Variants in SPACA9 observed in about 807,000 individuals in gnomAD.
SPACA9 encodes sperm acrosome-associated protein 9.
Under a neutral mutation model 12.5 loss-of-function variants are expected in SPACA9, and 14 were observed. That is an observed-to-expected ratio of 1.12 (90% CI 0.74 to 1.75). SPACA9 has a LOEUF of 1.75. SPACA9 is among the 40% of genes most tolerant of loss of function. The probability of loss-of-function intolerance (pLI) is 0.00; values close to 1 mark genes in which losing one functional copy is unlikely to be tolerated. For synonymous variants in SPACA9, 111 were observed against 114.1 expected, an observed-to-expected ratio of 0.97 and a Z score of 0.17; for missense variants, 292 against 291.9, an observed-to-expected ratio of 1.00 and a Z score of 0.00.
At chr9:132,880,172 G>C (rs1844363455) in intron 1 of SPACA9, among the ~76,000 whole-genome samples, 1 of 152,138 alleles carries the variant, frequency 6.6e-6, no homozygotes, top group Non-Finnish European at 1.5e-5. Flanking sequence ...TTAAGCCCTA[G>C]GCGCTTTTCC....
At chr9:132,878,388 C>T (rs1313559841), upstream of SPACA9, 23 of 1,243,984 alleles carry the variant, frequency 1.8e-5, no homozygotes, top group East Asian at 3.5e-4. The surrounding 1 kb of genome is among the most constrained non-coding windows in gnomAD (Gnocchi z 4.7). Context: ...CTCGGTCGCG[C>T]GGGTCGCCCC....
rs1388965568 is a variant in SPACA9 at position 132,878,898 on chromosome 9, C to T, written c.-154C>T. ...TTCTCGCCCGACGTCCCCACCCACCCTCGCCTCCCAAGTCCTGGAACGGGC... is the reference window on the plus strand; with the variant it reads ...TTCTCGCCCGACGTCCCCACCCACCTTCGCCTCCCAAGTCCTGGAACGGGC... On this transcript the variant is annotated 5_prime_UTR_variant, in exon 1 of 4. Transcript: ENST00000356311. The surrounding 1 kb of genome is among the most constrained non-coding windows in gnomAD (Gnocchi z 4.7). The T allele has an allele frequency of 3.9e-6, 2 of 513,826 alleles. No individual in the cohort carries two copies. Among genetic ancestry groups the T allele is most frequent in the Non-Finnish European group, 5.0e-6 (2 of 398,768 alleles). The allele number at this position is 513,826 out of a possible 1,614,324, so 31.8% of individuals were successfully genotyped here.
At chr9:132,881,297 GA>G (rs201716244) in intron 1 of SPACA9, among the ~76,000 whole-genome samples, 27,027 of 120,452 alleles carry the variant, frequency 0.22, 2,781 homozygotes, top group East Asian at 0.47. Context: ...AAAAAAAGAA[GA>G]AAAAAAAAAA....
intron 2 of SPACA9, among the ~76,000 whole-genome samples, chr9:132,884,474 A>T (rs1413296509): frequency 6.6e-6 from 1 of 152,202 alleles, no homozygotes; most frequent in Middle Eastern, 3.2e-3. Context: ...TGTCCTTCCC[A>T]TCAGATTCCA....
intron 1 of SPACA9, among the ~76,000 whole-genome samples, chr9:132,882,462 C>CTTT (rs60513113): frequency 8.1e-6 from 1 of 123,524 alleles, no homozygotes; most frequent in Non-Finnish European, 1.7e-5. Flanking sequence ...TACCCTGCCT[C>CTTT]TTTTTTTTTT....
At chr9:132,884,930 A>G (rs1844523438) in intron 2 of SPACA9, among the ~76,000 whole-genome samples, 1 of 131,220 alleles carries the variant, frequency 7.6e-6, no homozygotes, top group Non-Finnish European at 1.7e-5. Flanking sequence ...CCTGACCAAC[A>G]TGGTGAAACC....
Position 132,888,234 on chromosome 9 carries a change from C to A in SPACA9, c.348-56C>A. 1 of 1,552,414 alleles carries A rather than the reference C, an allele frequency of 6.4e-7. No homozygotes were observed. The highest frequency in any genetic ancestry group is 1.2e-5 in the South Asian group (1 of 81,284). ...TGCCTGAGGTGTGGCAGCTGCTTGC[C>A]ACGGCATGGCAAGTCCCGGGAGCAT... is the stretch of plus-strand genomic sequence containing the variant. On this transcript the variant is annotated intron_variant, in intron 3 of 3. Coordinates refer to ENST00000356311, the MANE Select transcript of SPACA9 (RefSeq NM_001316897.2). This position sits in a 1 kb window ranked among gnomAD's most constrained non-coding sequence, Gnocchi z 5.0.
intron 2 of SPACA9, among the ~76,000 whole-genome samples, chr9:132,884,823 C>T (rs1407024594): frequency 1.3e-5 from 2 of 152,178 alleles, no homozygotes; most frequent in African/African-American, 4.8e-5. Flanking sequence ...CCTTTAAAAA[C>T]ATTTTTTTCT....
rs558654546 is a variant in SPACA9, at chr9:132,889,798, G to A, written c.*1187G>A. 7.6e-7 allele frequency: 1 copy of A among 1,318,686 alleles called. No homozygotes were observed. The highest frequency in any genetic ancestry group is 2.8e-5 in the East Asian group (1 of 35,242). The allele number at this position is 1,318,686 out of a possible 1,614,324, so 81.7% of individuals were successfully genotyped here. The stretch of plus-strand genomic sequence containing the variant: ...TTCCTTCGCCTTTACTTGGGAGAGG[G>A]AGACCATGACAGAAGCCAGAATTCT... On this transcript the variant is annotated 3_prime_UTR_variant, in exon 4 of 4. Coordinates refer to ENST00000356311, the MANE Select transcript of SPACA9 (RefSeq NM_001316897.2).
chr9:132,884,909 T>C (rs905860219), intron 2 of SPACA9, among the ~76,000 whole-genome samples: 5 of 117,734 alleles, frequency 4.2e-5, no homozygotes, highest in African/African-American at 1.5e-4. Context: ...AGGTCAGGAG[T>C]TTGAGACCAG....
chr9:132,884,769 G>A (rs1844518262), intron 2 of SPACA9, among the ~76,000 whole-genome samples: 1 of 152,242 alleles, frequency 6.6e-6, no homozygotes. Flanking sequence ...AACTGCAGAG[G>A]AGAAACAGGC....
At chr9:132,886,858 C>T (rs1233121048) in intron 2 of SPACA9, among the ~76,000 whole-genome samples, 1 of 152,128 alleles carries the variant, frequency 6.6e-6, no homozygotes, top group Non-Finnish European at 1.5e-5. Context: ...GTTACCCAGG[C>T]TGGAGTGCAG....
rs200687144 is a variant in SPACA9 at position 132,887,134 on chromosome 9, T to TGTCTATCCATCCATCC, written c.145-235_145-234insGTCTATCCATCCATCC. ...CAACCGATCCATTAATTTCATATCA[T>TGTCTATCCATCCATCC]ATCTATCCATCCATCCATCCATCCA... On this transcript the variant is annotated intron_variant, in intron 2 of 3. Coordinates refer to ENST00000356311, the MANE Select transcript of SPACA9 (RefSeq NM_001316897.2). The surrounding 1 kb of genome is among the most constrained non-coding windows in gnomAD (Gnocchi z 5.4). Among the ~76,000 whole-genome samples, 12 of 70,344 alleles carry TGTCTATCCATCCATCC rather than the reference T, an allele frequency of 1.7e-4. No homozygotes were observed. Among genetic ancestry groups the TGTCTATCCATCCATCC allele is most frequent in the African/African-American group, 4.1e-4 (11 of 26,860 alleles). 46.1% of individuals were successfully genotyped at this position (70,344 alleles called of 152,430 possible).
Position 132,887,362 on chromosome 9 carries a change from C to G in SPACA9, c.145-7C>G. The G allele has an allele frequency of 1.9e-6, 3 of 1,609,652 alleles. No homozygotes were observed. Among genetic ancestry groups the G allele is most frequent in the Non-Finnish European group, 2.5e-6 (3 of 1,179,788 alleles). On this transcript the variant is annotated splice_polypyrimidine_tract_variant and splice_region_variant and intron_variant, in intron 2 of 3. Transcript: ENST00000356311. This position sits in a 1 kb window ranked among gnomAD's most constrained non-coding sequence, Gnocchi z 5.4. ...GTCCCCAGCTCATGTGGCGGCGGCC[C>G]TTGCAGGTGCAGAGCTACATGGAAC...
rs1844662051 is a variant in SPACA9 at position 132,889,076 on chromosome 9, C to T, written c.*465C>T. 2.0e-6 allele frequency: 2 copies of T among 995,698 alleles called. No homozygotes were observed. The highest frequency in any genetic ancestry group is 2.4e-6 in the Non-Finnish European group (2 of 835,454). The allele number at this position is 995,698 out of a possible 1,614,324, so 61.7% of individuals were successfully genotyped here. On this transcript the variant is annotated 3_prime_UTR_variant, in exon 4 of 4. Coordinates refer to ENST00000356311, the MANE Select transcript of SPACA9 (RefSeq NM_001316897.2). ...TGAGCCACAGCGCCCGGCCCTCTTG[C>T]TTTAACTTCTAACATTTCCACTTCT...
At chr9:132,881,844 C>T (rs1430274352) in intron 1 of SPACA9, among the ~76,000 whole-genome samples, 2 of 152,164 alleles carry the variant, frequency 1.3e-5, no homozygotes, top group Middle Eastern at 3.4e-3. Context: ...ATCTTGATTG[C>T]CGAGTTTTTT....
Position 132,889,941 on chromosome 9 carries a change from GT to G in SPACA9, c.*1335del. The G allele has an allele frequency of 2.0e-6, 3 of 1,486,570 alleles. No individual in the cohort carries two copies. The highest frequency in any genetic ancestry group is 9.0e-7 in the Non-Finnish European group (1 of 1,110,042). 92.1% of individuals were successfully genotyped at this position (1,486,570 alleles called of 1,614,324 possible). ...TGCCCAAAGTAATGTCTGACTGTTG[GT>G]TTTTCCCTTCACAGGGGACGACTTA... is the stretch of plus-strand genomic sequence containing the variant. On this transcript the variant is annotated 3_prime_UTR_variant, in exon 4 of 4. Transcript: ENST00000356311.
intron 1 of SPACA9, among the ~76,000 whole-genome samples, chr9:132,883,075 C>A (rs900323465): frequency 4.6e-5 from 7 of 152,094 alleles, no homozygotes; most frequent in Non-Finnish European, 8.8e-5. Context: ...CACCCACAGA[C>A]TTTTCTGCTC....
chr9:132,878,404 C>T (rs1336857402), upstream of SPACA9: 9 of 1,240,040 alleles, frequency 7.3e-6, no homozygotes, highest in South Asian at 2.4e-4. The surrounding 1 kb of genome is among the most constrained non-coding windows in gnomAD (Gnocchi z 4.7). Context: ...GCCCCCGCCC[C>T]GACCTCCCCG....
Sources: gnomAD v4.1 joint callset for allele counts (sites outside exome capture counted in the v4.1 genomes callset) on GRCh38, gnomAD v4.1.1 for gene constraint, Gnocchi (gnomAD v3.1) non-coding constraint, MANE v1.5 for transcripts, NCBI Gene and HGNC (gene_info 2026-07-23, HGNC 2026-07-21) for gene names.